Variants in CSMD3 observed in about 807,000 individuals in gnomAD.
CSMD3 encodes the protein CUB and sushi domain-containing protein 3.
A neutral mutation model predicts 435.2 loss-of-function variants in CSMD3; 177 were observed. That is an observed-to-expected ratio of 0.41 (90% CI 0.36 to 0.46). The LOEUF (loss-of-function observed/expected upper bound fraction) is 0.46, where lower values mean the gene tolerates loss of function less well. CSMD3 is among the 20% of genes least tolerant of loss of function. The pLI is 0.34. For synonymous variants in CSMD3, 1,656 were observed against 1,520.5 expected (o/e 1.09, Z -2.07); for missense variants, 4,265 against 4,504.6 (o/e 0.95, Z 1.52).
At chr8:113,031,457 A>T (rs902154298) in intron 5 of CSMD3, among the ~76,000 whole-genome samples, 2 of 151,656 alleles carry the variant, frequency 1.3e-5, no homozygotes, top group African/African-American at 2.4e-5. Context: ...ACATTCTTGG[A>T]ATGAAAAAAT....
intron 5 of CSMD3, among the ~76,000 whole-genome samples, chr8:113,045,865 C>G (rs1307528425): frequency 6.7e-6 from 1 of 149,166 alleles, no homozygotes; most frequent in East Asian, 1.9e-4. Flanking sequence ...AAGTTTTTTT[C>G]CTGTAAGCCC....
chr8:112,550,543 G>A (rs903852407), intron 27 of CSMD3, 128 bp downstream of exon 27: 1 of 606,714 alleles, frequency 1.6e-6, no homozygotes, highest in Non-Finnish European at 2.9e-6. Context: ...AGAAATATAG[G>A]AAGACTAGAA....
intron 32 of CSMD3, among the ~76,000 whole-genome samples, chr8:112,422,240 T>A (rs562316571): frequency 3.7e-4 from 57 of 152,280 alleles, no homozygotes; most frequent in African/African-American, 1.3e-3. Flanking sequence ...AAATATTTTA[T>A]AATTTATTTA....
intron 12 of CSMD3, among the ~76,000 whole-genome samples, chr8:112,828,669 T>A (rs2079771433): frequency 6.6e-6 from 1 of 152,160 alleles, no homozygotes; most frequent in South Asian, 2.1e-4. Context: ...GAAAACGAAC[T>A]AATAATTGAA....
chr8:113,059,616 T>G (rs1044868030), intron 5 of CSMD3, among the ~76,000 whole-genome samples: 13 of 152,188 alleles, frequency 8.5e-5, no homozygotes, highest in Non-Finnish European at 1.9e-4. Context: ...GAAAAGTGGC[T>G]TAAATGTTGA....
intron 32 of CSMD3, among the ~76,000 whole-genome samples, chr8:112,449,169 C>T (rs1241217038): frequency 6.6e-6 from 1 of 152,136 alleles, no homozygotes; most frequent in Non-Finnish European, 1.5e-5. Flanking sequence ...AATCAATATT[C>T]CCCATTCACT....
chr8:112,503,715 C>T (rs556544536), intron 30 of CSMD3, 75 bp downstream of exon 30: 62 of 1,018,922 alleles, frequency 6.1e-5, no homozygotes, highest in Non-Finnish European at 8.4e-5. Context: ...TAACAATGGG[C>T]CATACCAAAT....
At chr8:112,482,929 T>C (rs553004509) in intron 31 of CSMD3, among the ~76,000 whole-genome samples, 7 of 152,322 alleles carry the variant, frequency 4.6e-5, no homozygotes, top group Non-Finnish European at 8.8e-5. Context: ...TTAATGTCCA[T>C]ATCTATCTCT....
At chr8:112,656,781 G>A (rs1242228813) in intron 17 of CSMD3, among the ~76,000 whole-genome samples, 1 of 151,848 alleles carries the variant, frequency 6.6e-6, no homozygotes, top group Non-Finnish European at 1.5e-5. Flanking sequence ...TTTTATTCAA[G>A]TGTTTTTTAT....
intron 69 of CSMD3, 73 bp from the exon 70 acceptor site, chr8:112,228,964 T>A (rs2129843725): frequency 2.4e-6 from 2 of 830,150 alleles, no homozygotes; most frequent in Non-Finnish European, 3.9e-6. Context: ...ATGAATCAAT[T>A]AATTTCTTCT....
At chr8:112,720,445 T>C (rs2076832803) in intron 13 of CSMD3, among the ~76,000 whole-genome samples, 1 of 152,172 alleles carries the variant, frequency 6.6e-6, no homozygotes, top group Non-Finnish European at 1.5e-5. Context: ...CCTCAAAAGA[T>C]ATTAAAATCC....
chr8:112,867,647 G>GAACAC (rs1271608439), intron 10 of CSMD3, among the ~76,000 whole-genome samples: 3 of 151,916 alleles, frequency 2.0e-5, no homozygotes, highest in African/African-American at 4.8e-5. Context: ...CAGACAATTA[G>GAACAC]AACACAATGA....
chr8:112,558,609 A>G (rs546305215), intron 24 of CSMD3, among the ~76,000 whole-genome samples: 58 of 151,922 alleles, frequency 3.8e-4, no homozygotes, highest in African/African-American at 1.3e-3. Context: ...AGCATGACAC[A>G]TATGAGGGTG....
intron 10 of CSMD3, among the ~76,000 whole-genome samples, chr8:112,870,448 T>A (rs2130034233): frequency 6.6e-6 from 1 of 151,966 alleles, no homozygotes; most frequent in East Asian, 1.9e-4. Flanking sequence ...TTTTGCATTT[T>A]TTTTTTTTTA....
intron 2 of CSMD3, among the ~76,000 whole-genome samples, chr8:113,301,071 T>G (rs1388531557): frequency 1.3e-5 from 2 of 148,444 alleles, no homozygotes; most frequent in Non-Finnish European, 3.0e-5. Context: ...CATGTATGAT[T>G]CATACATGTT....
At chr8:113,059,473 T>G (rs2088504666) in intron 5 of CSMD3, among the ~76,000 whole-genome samples, 2 of 152,184 alleles carry the variant, frequency 1.3e-5, no homozygotes, top group Admixed American at 6.5e-5. Flanking sequence ...CTGCATTTGA[T>G]GCAGAACAAT....
intron 3 of CSMD3, among the ~76,000 whole-genome samples, chr8:113,175,780 C>T (rs2092338448): frequency 2.0e-5 from 3 of 151,976 alleles, no homozygotes; most frequent in African/African-American, 7.2e-5. Flanking sequence ...GAAACTACCA[C>T]TTTTGGCCTT....
chr8:113,140,165 A>G (rs979711385), intron 4 of CSMD3, among the ~76,000 whole-genome samples: 2 of 151,108 alleles, frequency 1.3e-5, no homozygotes, highest in African/African-American at 2.4e-5. Flanking sequence ...CGGACATTAT[A>G]TATAATGATA....
At chr8:113,133,243 A>G (rs149523066) in intron 4 of CSMD3, among the ~76,000 whole-genome samples, 1 of 152,248 alleles carries the variant, frequency 6.6e-6, no homozygotes, top group East Asian at 1.9e-4. Context: ...TTCACTAAAA[A>G]TGGATGAAGG....
Sources: allele counts gnomAD v4.1 joint callset (sites outside exome capture counted in the v4.1 genomes callset), GRCh38; gene constraint gnomAD v4.1.1; transcripts MANE v1.5; gene names NCBI Gene and HGNC (gene_info 2026-07-23, HGNC 2026-07-21).